Variants in NSMAF observed in about 807,000 individuals in gnomAD.
NSMAF encodes the protein protein FAN.
Under a neutral mutation model 134.9 loss-of-function variants are expected in NSMAF, and 90 were observed. That is an observed-to-expected ratio of 0.67 (90% CI 0.56 to 0.79). NSMAF has a LOEUF of 0.79. Among genes scored for constraint, NSMAF ranks in the 30% least tolerant of loss-of-function variants. The pLI is 0.00. For synonymous variants in NSMAF, 358 were observed against 389.6 expected, an observed-to-expected ratio of 0.92 and a Z score of 0.96; for missense variants, 1,010 against 1,119.0, an observed-to-expected ratio of 0.90 and a Z score of 1.39.
intron 2 of NSMAF, among the ~76,000 whole-genome samples, chr8:58,638,734 C>T (rs977901380): frequency 1.3e-5 from 2 of 152,016 alleles, no homozygotes; most frequent in African/African-American, 4.8e-5. Context: ...TTGGATGACT[C>T]CAAAAGCACA....
intron 23 of NSMAF, among the ~76,000 whole-genome samples, chr8:58,593,754 A>G (rs1240652711): frequency 1.3e-5 from 2 of 152,262 alleles, no homozygotes; most frequent in Admixed American, 6.5e-5. Context: ...TTGATAATGT[A>G]TAAGCATATT....
At chr8:58,642,884 T>C (rs560765228) in intron 2 of NSMAF, 100 bp downstream of exon 2, 88 of 847,254 alleles carry the variant, frequency 1.0e-4, no homozygotes, top group Non-Finnish European at 1.6e-4. Flanking sequence ...TAAAGCCTAA[T>C]TTTTTCTTTA....
chr8:58,623,528 A>T (rs1806840720), intron 7 of NSMAF, 104 bp from the exon 8 acceptor site: 18 of 1,207,148 alleles, frequency 1.5e-5, no homozygotes, highest in Non-Finnish European at 1.8e-5. Context: ...AACAGTCAAG[A>T]TTACTTCTGA....
rs561221277 is a variant in NSMAF, at chr8:58,614,782, C to T, written c.558-5049G>A. Reference sequence around the variant, plus strand: ...GGTCCCTCTCTCGTCCTCCTGAATCCCACAACACATATCCCTGTCATTAAG... The same window carrying T: ...GGTCCCTCTCTCGTCCTCCTGAATCTCACAACACATATCCCTGTCATTAAG... On this transcript the variant is annotated intron_variant, in intron 9 of 30. Transcript: ENST00000038176. Among the ~76,000 whole-genome samples the T allele has an allele frequency of 2.0e-5, 3 of 152,182 alleles. No individual in the cohort carries two copies. In the South Asian group the frequency reaches 6.2e-4, roughly 32 times the overall value.
At chr8:58,604,130 A>C (rs1806347641) in intron 12 of NSMAF, among the ~76,000 whole-genome samples, 1 of 152,182 alleles carries the variant, frequency 6.6e-6, no homozygotes, top group African/African-American at 2.4e-5. Context: ...CTTAACTCTT[A>C]ATATTTATTC....
intron 2 of NSMAF, chr8:58,639,988 A>C: frequency 2.4e-6 from 1 of 417,812 alleles, no homozygotes; most frequent in South Asian, 1.7e-5. Context: ...TAGGTGGGAA[A>C]GCTCAGAGCT....
At chr8:58,589,206 ATT>A (rs1427099351) in intron 26 of NSMAF, among the ~76,000 whole-genome samples, 1 of 147,858 alleles carries the variant, frequency 6.8e-6, no homozygotes, top group Non-Finnish European at 1.5e-5. Context: ...CAGATATTAT[ATT>A]TTAAATATAA....
intron 23 of NSMAF, among the ~76,000 whole-genome samples, chr8:58,592,390 C>T (rs1269502221): frequency 6.6e-6 from 1 of 152,080 alleles, no homozygotes; most frequent in Non-Finnish European, 1.5e-5. Context: ...TACTAGAGGT[C>T]ATCATGTTAA....
intron 11 of NSMAF, 33 bp from the exon 12 acceptor site, chr8:58,606,068 T>TAATAAAATAAAG: frequency 6.7e-7 from 1 of 1,493,858 alleles, no homozygotes. Context: ...ATAAAATAAA[T>TAATAAAATAAAG]AGCATTGTAT....
intron 1 of NSMAF, among the ~76,000 whole-genome samples, chr8:58,652,745 C>T (rs879579587): frequency 6.6e-6 from 1 of 152,190 alleles, no homozygotes; most frequent in Non-Finnish European, 1.5e-5. Context: ...GGCCCTTTGC[C>T]TTTGTTTGGA....
intron 9 of NSMAF, among the ~76,000 whole-genome samples, chr8:58,617,754 G>A (rs1389665248): frequency 6.6e-5 from 10 of 152,292 alleles, no homozygotes; most frequent in Admixed American, 5.9e-4. Context: ...ACAGTGTGGC[G>A]ATTCCTCAAG....
chr8:58,604,499 T>C (rs2634531), intron 12 of NSMAF, among the ~76,000 whole-genome samples: 86,258 of 149,212 alleles, frequency 0.58, 25,234 homozygotes, highest in Admixed American at 0.67. Flanking sequence ...AATGTATGAA[T>C]AAAATACTAG....
intron 23 of NSMAF, 192 bp from the exon 24 acceptor site, chr8:58,591,126 T>C (rs1381397140): frequency 6.7e-6 from 3 of 446,320 alleles, no homozygotes; most frequent in African/African-American, 4.1e-5. Context: ...TTCTATGACC[T>C]GTAACCCCAT....
At chr8:58,605,354 T>G (rs1433778709) in intron 12 of NSMAF, among the ~76,000 whole-genome samples, 1 of 152,214 alleles carries the variant, frequency 6.6e-6, no homozygotes. Context: ...AATAACTCAC[T>G]GCCTCGCAGT....
At chr8:58,592,202 A>C (rs571873913) in intron 23 of NSMAF, among the ~76,000 whole-genome samples, 3 of 152,326 alleles carry the variant, frequency 2.0e-5, no homozygotes, top group African/African-American at 7.2e-5. Flanking sequence ...TACAAAAAAA[A>C]CCAGAAACCA....
At chr8:58,596,904 G>A (rs973074738) in intron 21 of NSMAF, among the ~76,000 whole-genome samples, 3 of 149,960 alleles carry the variant, frequency 2.0e-5, no homozygotes, top group Non-Finnish European at 3.0e-5. Flanking sequence ...GCACTCCAGC[G>A]TGGGGGACAA....
Position 58,585,678 on chromosome 8 carries a change from AT to A in NSMAF, c.2632del (p.Ile878SerfsTer12), listed in dbSNP as rs1256329238. ...LLVWDLLGAK[I>X]SERIQGHTGA... The stretch of plus-strand genomic sequence containing the variant: ...TGTGTGGCCCTGTATTCTCTCACTG[AT>A]TTTTGCTCCAAGGAGGTCCCAAACG... On this transcript the variant is annotated frameshift_variant, in exon 30 of 31. Coordinates refer to ENST00000038176, the MANE Select transcript of NSMAF (RefSeq NM_003580.4). LOFTEE classifies it high-confidence loss of function. The A allele has an allele frequency of 5.6e-6, 9 of 1,613,978 alleles. No individual in the cohort carries two copies. The highest frequency in any genetic ancestry group is 7.6e-6 in the Non-Finnish European group (9 of 1,179,902).
chr8:58,640,563 T>A (rs1253620454), intron 2 of NSMAF, among the ~76,000 whole-genome samples: 1 of 152,106 alleles, frequency 6.6e-6, no homozygotes, highest in Non-Finnish European at 1.5e-5. Context: ...TGGAAAAGTT[T>A]ACAATTACTT....
At chr8:58,656,177 C>G (rs1807706134) in intron 1 of NSMAF, among the ~76,000 whole-genome samples, 1 of 151,776 alleles carries the variant, frequency 6.6e-6, no homozygotes, top group South Asian at 2.1e-4. Context: ...CGCCACCATG[C>G]CTGGTTAATT....
Sources: allele counts gnomAD v4.1 joint callset (sites outside exome capture counted in the v4.1 genomes callset), GRCh38; gene constraint gnomAD v4.1.1; transcripts MANE v1.5; gene names NCBI Gene and HGNC (gene_info 2026-07-23, HGNC 2026-07-21).